PARG: variants seen among roughly 807,000 people sequenced by gnomAD.
The protein encoded by PARG is poly(ADP-ribose) glycohydrolase.
A neutral mutation model predicts 113.0 loss-of-function variants in PARG; 35 were observed. The ratio of observed to expected loss-of-function variants is 0.31; its 90% CI spans 0.24 to 0.41. The LOEUF (loss-of-function observed/expected upper bound fraction) is 0.41. PARG is among the 10% of genes least tolerant of loss of function. The probability of loss-of-function intolerance (pLI) is 1.00; values close to 1 mark genes in which losing one functional copy is unlikely to be tolerated. For missense variants in PARG, 797 were observed against 1,169.4 expected (o/e 0.68, Z 4.64); for synonymous variants, 330 against 409.9 (o/e 0.81, Z 2.36).
intron 7 of PARG, among the ~76,000 whole-genome samples, chr10:49,895,255 G>A (rs1353143717): frequency 2.0e-5 from 3 of 152,234 alleles, no homozygotes; most frequent in East Asian, 1.9e-4. Context: ...AGCAATTCAC[G>A]TTAGTCTGCA....
chr10:49,939,665 T>G (rs1177221479), intron 1 of PARG, among the ~76,000 whole-genome samples: 47 of 152,370 alleles, frequency 3.1e-4, no homozygotes, highest in Non-Finnish European at 6.0e-4. Context: ...CATAAGCTCC[T>G]GTCTGCCACC....
intron 4 of PARG, among the ~76,000 whole-genome samples, chr10:49,931,698 A>G (rs1257799230): frequency 2.7e-5 from 4 of 150,432 alleles, no homozygotes; most frequent in Non-Finnish European, 1.5e-5. Context: ...TCCAGCAAAA[A>G]AAAAAAAAAA....
chr10:49,891,041 G>A (rs1388030516), intron 7 of PARG, among the ~76,000 whole-genome samples: 15 of 152,258 alleles, frequency 9.9e-5, no homozygotes, highest in Admixed American at 4.6e-4. Flanking sequence ...CAGGCCGGGC[G>A]TGGTGGCTCA....
At chr10:49,838,498 G>C (rs1845064219) in intron 15 of PARG, among the ~76,000 whole-genome samples, 1 of 148,822 alleles carries the variant, frequency 6.7e-6, no homozygotes, top group African/African-American at 2.5e-5. Flanking sequence ...GCCCTGGTTT[G>C]GTCAGTGGCC....
intron 15 of PARG, among the ~76,000 whole-genome samples, chr10:49,835,297 G>T (rs746380162): frequency 1.3e-5 from 2 of 152,032 alleles, no homozygotes; most frequent in Non-Finnish European, 2.9e-5. Context: ...AGAAAGCTGC[G>T]AGAATAAAAG....
At chr10:49,857,137 G>C (rs551062137) in intron 13 of PARG, among the ~76,000 whole-genome samples, 169 bp downstream of exon 13, 1 of 151,436 alleles carries the variant, frequency 6.6e-6, no homozygotes, top group South Asian at 2.1e-4. Flanking sequence ...CTTAAGATTA[G>C]GAAAATAAGG....
At position 49,841,959 on chromosome 10, in the gene PARG, C is replaced by T. The variant is rs1554832374; in HGVS notation, c.2532G>A (p.Glu844=). 1 of 1,544,780 alleles carries T rather than the reference C, an allele frequency of 6.5e-7. No homozygotes were observed. The highest frequency in any genetic ancestry group is 8.7e-7 in the Non-Finnish European group (1 of 1,144,002). ...AAATAAGGTTACTGGCCTTGTTCAGCTCGCGTCTCATTTTCTCAGGCACAA... is the reference window on the plus strand; with the variant it reads ...AAATAAGGTTACTGGCCTTGTTCAGTTCGCGTCTCATTTTCTCAGGCACAA... The part of the protein sequence containing the change: ...DQFVPEKMRR[E]LNKAYCGFLR... Residue 844 remains glutamate (E), a synonymous_variant, in exon 15 of 18, where the codon GAG becomes GAA. Coordinates refer to ENST00000616448, the MANE Select transcript of PARG (RefSeq NM_003631.5).
At chr10:49,826,565 TAA>T (rs1162656659) in intron 16 of PARG, among the ~76,000 whole-genome samples, 1 of 152,240 alleles carries the variant, frequency 6.6e-6, no homozygotes, top group African/African-American at 2.4e-5. Flanking sequence ...AGACATTATT[TAA>T]GTTTGATATA....
intron 14 of PARG, among the ~76,000 whole-genome samples, chr10:49,842,746 C>T (rs1293308223): frequency 6.6e-6 from 1 of 152,128 alleles, no homozygotes; most frequent in Non-Finnish European, 1.5e-5. Flanking sequence ...ACTTTTCAAA[C>T]TGAAAACCAA....
intron 7 of PARG, among the ~76,000 whole-genome samples, chr10:49,885,864 C>T (rs1403049151): frequency 6.6e-6 from 1 of 152,150 alleles, no homozygotes; most frequent in Non-Finnish European, 1.5e-5. Context: ...ACCACAATTC[C>T]CATATAAAAA....
At chr10:49,898,126 C>T (rs1554843188) in intron 7 of PARG, among the ~76,000 whole-genome samples, 3 of 152,210 alleles carry the variant, frequency 2.0e-5, no homozygotes, top group African/African-American at 7.2e-5. Context: ...TGTGCATTTA[C>T]TCTTGTATTA....
chr10:49,913,807 G>A (rs1229044287), intron 7 of PARG, among the ~76,000 whole-genome samples: 2 of 152,132 alleles, frequency 1.3e-5, no homozygotes, highest in African/African-American at 4.8e-5. Flanking sequence ...GAAGGCTGAG[G>A]CAAGAGAATC....
intron 15 of PARG, among the ~76,000 whole-genome samples, chr10:49,840,040 A>G (rs1439181983): frequency 6.6e-6 from 1 of 152,216 alleles, no homozygotes; most frequent in Non-Finnish European, 1.5e-5. Flanking sequence ...TTAAGGCAAG[A>G]GTTTGGAACA....
At chr10:49,865,483 A>G (rs1277251295) in intron 10 of PARG, 102 bp from the exon 11 acceptor site, 34 of 448,534 alleles carry the variant, frequency 7.6e-5, no homozygotes, top group Non-Finnish European at 1.3e-4. Flanking sequence ...ACACACACAC[A>G]CTCGGTAAAA....
intron 8 of PARG, among the ~76,000 whole-genome samples, chr10:49,880,601 A>G (rs1416096541): frequency 6.6e-6 from 1 of 152,132 alleles, no homozygotes; most frequent in East Asian, 1.9e-4. Context: ...ACCAAAAATA[A>G]AGTTCCAAGA....
chr10:49,914,566 C>A (rs1554847097), intron 7 of PARG, among the ~76,000 whole-genome samples: 1 of 152,150 alleles, frequency 6.6e-6, no homozygotes, highest in Admixed American at 6.5e-5. Flanking sequence ...GCCCTTAGCA[C>A]CTAGGTTTTT....
chr10:49,850,186 C>G lies in PARG; in HGVS notation c.2354-6554G>C, dbSNP rs551361574. The stretch of plus-strand genomic sequence containing the variant: ...GAAATAATCCGAAGGCACTACATAA[C>G]TGACGCATACTAAAAATTCACATCT... On this transcript the variant is annotated intron_variant, in intron 13 of 17. Transcript: ENST00000616448. Among the ~76,000 whole-genome samples the G allele has an allele frequency of 7.4e-3, 1,032 of 139,080 alleles. 10 individuals carry two copies. Among genetic ancestry groups the G allele is most frequent in the African/African-American group, 0.026 (961 of 36,582 alleles). The allele number at this position is 139,080 out of a possible 152,430, so 91.2% of individuals were successfully genotyped here. A position where few individuals can be genotyped will look rare whatever the true frequency, so the allele number is the denominator to read the frequency against.
intron 13 of PARG, among the ~76,000 whole-genome samples, chr10:49,845,006 ACATTATTAGT>A (rs1554833087): frequency 6.6e-6 from 1 of 152,240 alleles, no homozygotes; most frequent in African/African-American, 2.4e-5. Context: ...ATATTGCTCA[ACATTATTAGT>A]CATCAGAGAA....
chr10:49,879,898 G>A (rs1847133064), intron 8 of PARG, 68 bp from the exon 9 acceptor site: 1 of 676,332 alleles, frequency 1.5e-6, no homozygotes, highest in South Asian at 1.7e-5. Flanking sequence ...CAAAAGCAGA[G>A]GCACCAAATT....
Sources: gnomAD v4.1 joint callset for allele counts (sites outside exome capture counted in the v4.1 genomes callset) on GRCh38, gnomAD v4.1.1 for gene constraint, MANE v1.5 for transcripts, NCBI Gene and HGNC (gene_info 2026-07-23, HGNC 2026-07-21) for gene names.